Variants in CCDC154 observed in about 807,000 individuals in gnomAD.
CCDC154 encodes coiled-coil domain containing 154, also known as coiled-coil domain-containing protein 154.
Under a neutral mutation model 87.5 loss-of-function variants are expected in CCDC154, and 91 were observed. The observed-to-expected ratio is 1.04, with a 90% CI of 0.88 to 1.24. The LOEUF (loss-of-function observed/expected upper bound fraction) is 1.24, where lower values mean the gene tolerates loss of function less well. CCDC154 is among the 50% of genes most tolerant of loss of function. The pLI is 0.00. For missense variants in CCDC154, 903 were observed against 879.2 expected, an observed-to-expected ratio of 1.03 and a Z score of -0.34; for synonymous variants, 418 against 400.4, an observed-to-expected ratio of 1.04 and a Z score of -0.52.
rs12925639 is a variant in CCDC154 at position 1,438,140 on chromosome 16, C to G, written c.1062G>C (p.Gly354=). The change falls in exon 10 of 17, where the codon GGG becomes GGC. Residue 354 remains glycine, a synonymous_variant. Coordinates refer to ENST00000389176, the MANE Select transcript of CCDC154 (RefSeq NM_001143980.3). ...AKGRLEESRA[G]ELAAYVQENL... is the part of the protein sequence containing the mutation. ...TCTCCTGCACATAGGCGGCCAGCTCCCCAGCCCGGCTTTCCTCCAAGCGCC... is the reference window on the plus strand; with the variant it reads ...TCTCCTGCACATAGGCGGCCAGCTCGCCAGCCCGGCTTTCCTCCAAGCGCC... The G allele has an allele frequency of 6.5e-7, 1 of 1,547,162 alleles. No individual in the cohort carries two copies. Among genetic ancestry groups the G allele is most frequent in the South Asian group, 1.2e-5 (1 of 83,924 alleles).
chr16:1,440,907 T>C lies in CCDC154; in HGVS notation c.675+1499A>G, dbSNP rs145042773. 4.3e-3 allele frequency among the ~76,000 whole-genome samples: 636 copies of C among 147,550 alleles called. 1 individual carries two copies. The highest frequency in any genetic ancestry group is 0.014 in the Middle Eastern group (4 of 282). ...CGGAGCTTGTAGTGAGCCGAGATCG[T>C]GCCACTGCACTCCAGCCCAGGCAAC... is the stretch of plus-strand genomic sequence containing the variant. On this transcript the variant is annotated intron_variant, in intron 6 of 16. Transcript: ENST00000389176.
At chr16:1,438,397 T>G in intron 9 of CCDC154, 1 of 727,896 alleles carries the variant, frequency 1.4e-6, no homozygotes, top group South Asian at 2.0e-5. Flanking sequence ...TCCCTCCCCA[T>G]GGCCACAGCT....
At position 1,439,018 on chromosome 16, in the gene CCDC154, C is replaced by T. The variant is rs2038527929; in HGVS notation, c.777+7G>A. ...GCAGGGCAGGCCAGCCGCGGGCAGG[C>T]TCCCACCTTCTCCAGGGCCAGGAAG... On this transcript the variant is annotated splice_region_variant and intron_variant, in intron 7 of 16. Coordinates refer to ENST00000389176, the MANE Select transcript of CCDC154 (RefSeq NM_001143980.3). The T allele has an allele frequency of 1.3e-6, 2 of 1,550,208 alleles. No homozygotes were observed. Among genetic ancestry groups the T allele is most frequent in the Non-Finnish European group, 1.7e-6 (2 of 1,146,880 alleles).
chr16:1,436,620 A>G (rs1051396816), intron 12 of CCDC154, 72 bp downstream of exon 12: 6 of 1,545,858 alleles, frequency 3.9e-6, no homozygotes, highest in Non-Finnish European at 4.4e-6. Context: ...GGAGAGGACA[A>G]GGTGCAGGGA....
chr16:1,436,836 G>A, intron 11 of CCDC154, 25 bp from the exon 12 acceptor site: 1 of 1,550,002 alleles, frequency 6.5e-7, no homozygotes, highest in Non-Finnish European at 8.7e-7. Context: ...CCCAGTGAGG[G>A]ACAAAGCCAA....
intron 6 of CCDC154, among the ~76,000 whole-genome samples, chr16:1,441,398 G>A (rs1304274685): frequency 6.6e-6 from 1 of 152,230 alleles, no homozygotes; most frequent in Non-Finnish European, 1.5e-5. Flanking sequence ...CGTACTGCCT[G>A]ATGCGCACGG....
intron 6 of CCDC154, 139 bp downstream of exon 6, chr16:1,442,267 T>C (rs749793133): frequency 1.9e-6 from 2 of 1,062,868 alleles, no homozygotes; most frequent in African/African-American, 3.3e-5. Context: ...GAGTTTTACA[T>C]TGTCTACAAC....
intron 11 of CCDC154, chr16:1,437,123 C>T (rs571894731): frequency 2.4e-4 from 96 of 393,864 alleles, no homozygotes; most frequent in African/African-American, 1.6e-3. Context: ...CGTTTGCAGC[C>T]GCGCTCGCGT....
Position 1,443,486 on chromosome 16 carries a change from T to TG in CCDC154, c.414+19dup, listed in dbSNP as rs751225474. On this transcript the variant is annotated intron_variant, in intron 3 of 16. Transcript: ENST00000389176. Reference sequence around the variant, plus strand: ...CCCAGGAAAGGGGCAGCTCGACCTGTGGGTGGGGGAGCCGCTCACCTCCGG... The same window carrying TG: ...CCCAGGAAAGGGGCAGCTCGACCTGTGGGGTGGGGGAGCCGCTCACCTCCGG... The TG allele has an allele frequency of 3.7e-4, 529 of 1,430,412 alleles. No homozygotes were observed. Among genetic ancestry groups the TG allele is most frequent in the Admixed American group, 5.0e-4 (18 of 35,798 alleles). 88.6% of individuals were successfully genotyped at this position (1,430,412 alleles called of 1,614,324 possible). A position where few individuals can be genotyped will look rare whatever the true frequency, so the allele number is the denominator to read the frequency against.
rs1253361703 is a variant in CCDC154, at chr16:1,443,904, G to A, written c.116C>T (p.Pro39Leu). 7.7e-7 allele frequency: 1 copy of A among 1,304,022 alleles called. No homozygotes were observed. Among genetic ancestry groups the A allele is most frequent in the African/African-American group, 1.5e-5 (1 of 65,896 alleles). The allele number at this position is 1,304,022 out of a possible 1,614,324, so 80.8% of individuals were successfully genotyped here. The change falls in exon 2 of 17, where the codon CCC becomes CTC. Residue 39 changes from proline (P) to leucine (L), a missense_variant. Physicochemically the swap from Pro to Leu is moderately conservative, Grantham distance 98 (BLOSUM62 -3). Coordinates refer to ENST00000389176, the MANE Select transcript of CCDC154 (RefSeq NM_001143980.3). Reference sequence around the variant, plus strand: ...CTCCGAGAGCTCCTCCAGGCTCAAGGGCTCGGGGCTGGCCAGGCCTCCTGC... The same window carrying A: ...CTCCGAGAGCTCCTCCAGGCTCAAGAGCTCGGGGCTGGCCAGGCCTCCTGC... Reference protein sequence around the residue: ...LLAGGLASPEPLSLEELSERY... With the variant: ...LLAGGLASPELLSLEELSERY...
intron 6 of CCDC154, among the ~76,000 whole-genome samples, chr16:1,441,532 G>T (rs531785355): frequency 6.6e-6 from 1 of 152,300 alleles, no homozygotes; most frequent in East Asian, 1.9e-4. Flanking sequence ...AGGAGGGGGA[G>T]CCACTCCAGC....
In CCDC154 at chr16:1,443,554, C is replaced by T; in HGVS notation, c.366G>A (p.Gln122=). The T allele has an allele frequency of 6.8e-7, 1 of 1,479,454 alleles. No homozygotes were observed. The highest frequency in any genetic ancestry group is 8.9e-7 in the Non-Finnish European group (1 of 1,120,350). 91.6% of individuals were successfully genotyped at this position (1,479,454 alleles called of 1,614,324 possible). Residue 122 remains glutamine, a synonymous_variant, in exon 3 of 17, where the codon CAG becomes CAA. Transcript: ENST00000389176. ...CCTGGGCTGCCGGCCGCGCCTCCTG[C>T]TGCAACTGCCTCAGCTCTGAGCCCT... The part of the protein sequence containing the change: ...QLQGSELRQL[Q]QEARPAAQAP...
intron 6 of CCDC154, among the ~76,000 whole-genome samples, chr16:1,440,235 G>C (rs1298365815): frequency 6.6e-6 from 1 of 151,740 alleles, no homozygotes; most frequent in Middle Eastern, 3.2e-3. Flanking sequence ...GGATCATGAG[G>C]TCAGGAGATC....
rs535187554 is a variant in CCDC154, at chr16:1,437,129, C to T, written c.1291-318G>A. 167 of 388,674 alleles carry T rather than the reference C, an allele frequency of 4.3e-4. 6 individuals carry two copies. The South Asian group carries it at 4.8e-3, about 11-fold the overall frequency. The allele number at this position is 388,674 out of a possible 1,614,324, so 24.1% of individuals were successfully genotyped here. On this transcript the variant is annotated intron_variant, in intron 11 of 16. Transcript: ENST00000389176. ...TGTCGCCCACGTTTGCAGCCGCGCT[C>T]GCGTGTCGGTGGATGAGCGGGAACC...
intron 4 of CCDC154, 114 bp from the exon 5 acceptor site, chr16:1,443,089 T>C: frequency 7.1e-7 from 1 of 1,407,698 alleles, no homozygotes; most frequent in East Asian, 2.5e-5. Flanking sequence ...CCTGGGCCTC[T>C]GAAGGCCGCC....
chr16:1,438,578 G>A, intron 9 of CCDC154, 41 bp downstream of exon 9: 1 of 1,519,590 alleles, frequency 6.6e-7, no homozygotes, highest in South Asian at 1.2e-5. Context: ...GACATCAGGG[G>A]TCCCCCCGCC....
intron 6 of CCDC154, among the ~76,000 whole-genome samples, chr16:1,441,599 G>A (rs925942530): frequency 3.3e-5 from 5 of 152,280 alleles, no homozygotes; most frequent in East Asian, 1.9e-4. Context: ...GGTGAACTCC[G>A]CTTTGTGTGC....
intron 5 of CCDC154, among the ~76,000 whole-genome samples, 166 bp from the exon 6 acceptor site, chr16:1,442,695 G>A (rs1387011765): frequency 6.6e-6 from 1 of 152,238 alleles, no homozygotes; most frequent in Non-Finnish European, 1.5e-5. Flanking sequence ...AAGGGCTGCT[G>A]CGAGTCTCTT....
intron 14 of CCDC154, 138 bp downstream of exon 14, chr16:1,435,831 C>T (rs1365787102): frequency 2.7e-6 from 2 of 730,120 alleles, no homozygotes; most frequent in Admixed American, 2.5e-5. Flanking sequence ...TGGCCTCCGA[C>T]AGGTGGTTTT....
Sources: gnomAD v4.1 joint callset for allele counts (sites outside exome capture counted in the v4.1 genomes callset) on GRCh38, gnomAD v4.1.1 for gene constraint, MANE v1.5 for transcripts, NCBI Gene and HGNC (gene_info 2026-07-23, HGNC 2026-07-21) for gene names.